Variants in NXPH2 observed in about 807,000 individuals in gnomAD.
NXPH2 encodes the protein neurexophilin 2, also known as neurexophilin-2.
A neutral mutation model predicts 19.8 loss-of-function variants in NXPH2; 5 were observed. The ratio of observed to expected loss-of-function variants is 0.25; its 90% CI spans 0.13 to 0.53. The LOEUF is 0.53. NXPH2 is among the 20% of genes least tolerant of loss of function. The pLI is 0.96. For synonymous variants in NXPH2, 154 were observed against 127.4 expected (o/e 1.21, Z -1.41); for missense variants, 289 against 322.8 (o/e 0.90, Z 0.80).
intron 1 of NXPH2, among the ~76,000 whole-genome samples, chr2:138,764,868 A>C (rs996434159): frequency 3.3e-5 from 5 of 152,232 alleles, no homozygotes; most frequent in Admixed American, 3.3e-4. Flanking sequence ...TTTCTAAGGA[A>C]AAGCTTAGCA....
rs79065056 is a variant in NXPH2 at position 138,740,740 on chromosome 2, A to G, written c.51+39451T>C. On this transcript the variant is annotated intron_variant, in intron 1 of 1. Coordinates refer to ENST00000272641, the MANE Select transcript of NXPH2 (RefSeq NM_007226.3). The stretch of plus-strand genomic sequence containing the variant: ...AAGATTTTAATTCTTATTGCGTTGT[A>G]AAGTTTAAAGTCTCCTGCTTGCTTT... Among the ~76,000 whole-genome samples the G allele has an allele frequency of 9.7e-3, 1,478 of 152,118 alleles. 21 individuals carry two copies. Among genetic ancestry groups the G allele is most frequent in the African/African-American group, 0.033 (1,381 of 41,482 alleles).
At chr2:138,750,930 T>G (rs1289091794) in intron 1 of NXPH2, among the ~76,000 whole-genome samples, 1 of 152,056 alleles carries the variant, frequency 6.6e-6, no homozygotes, top group African/African-American at 2.4e-5. Context: ...GCTTCTTCAC[T>G]TCACTCTGGG....
At chr2:138,719,584 T>C (rs1388469139) in intron 1 of NXPH2, among the ~76,000 whole-genome samples, 2 of 152,214 alleles carry the variant, frequency 1.3e-5, no homozygotes, top group Non-Finnish European at 2.9e-5. Context: ...AAACTTTAAA[T>C]GGGCAGGGAG....
intron 1 of NXPH2, among the ~76,000 whole-genome samples, chr2:138,691,972 T>C (rs977836677): frequency 1.3e-5 from 2 of 152,182 alleles, no homozygotes; most frequent in Admixed American, 1.3e-4. Context: ...ATTTTATGGT[T>C]AATAACATAA....
chr2:138,728,242 G>C (rs888499491), intron 1 of NXPH2, among the ~76,000 whole-genome samples: 1 of 152,154 alleles, frequency 6.6e-6, no homozygotes, highest in African/African-American at 2.4e-5. Flanking sequence ...AAGACACAGG[G>C]AGAAGATGGC....
chr2:138,680,230 A>G (rs1680552536), intron 1 of NXPH2, among the ~76,000 whole-genome samples: 1 of 152,190 alleles, frequency 6.6e-6, no homozygotes, highest in Non-Finnish European at 1.5e-5. Context: ...GGTTTTCTTA[A>G]TAGTAAAATG....
At chr2:138,694,998 G>T (rs1387567631) in intron 1 of NXPH2, among the ~76,000 whole-genome samples, 1 of 152,106 alleles carries the variant, frequency 6.6e-6, no homozygotes, top group Non-Finnish European at 1.5e-5. Context: ...GTAGGCAATT[G>T]TAACACAATG....
intron 1 of NXPH2, among the ~76,000 whole-genome samples, chr2:138,724,320 A>G (rs1167808598): frequency 6.6e-6 from 1 of 152,246 alleles, no homozygotes; most frequent in Admixed American, 6.5e-5. Flanking sequence ...GGAATGTTGC[A>G]TCCATTTAGC....
intron 1 of NXPH2, among the ~76,000 whole-genome samples, chr2:138,702,738 T>C (rs1461756193): frequency 6.6e-6 from 1 of 152,094 alleles, no homozygotes; most frequent in Non-Finnish European, 1.5e-5. Flanking sequence ...TCCGTCTACA[T>C]TGGATGTGAG....
intron 1 of NXPH2, among the ~76,000 whole-genome samples, chr2:138,713,146 G>A (rs1159638321): frequency 1.3e-5 from 2 of 152,178 alleles, no homozygotes; most frequent in Non-Finnish European, 2.9e-5. Context: ...TGAATTGAAA[G>A]GCCATTCAGG....
chr2:138,717,251 G>A (rs1479716001), intron 1 of NXPH2, among the ~76,000 whole-genome samples: 1 of 152,094 alleles, frequency 6.6e-6, no homozygotes, highest in Admixed American at 6.6e-5. Flanking sequence ...TGACCCTGTA[G>A]CAACATTCCT....
intron 1 of NXPH2, among the ~76,000 whole-genome samples, chr2:138,771,074 A>T (rs1014768514): frequency 2.6e-5 from 4 of 152,160 alleles, no homozygotes; most frequent in African/African-American, 9.6e-5. Flanking sequence ...GAAAACATTT[A>T]TAATTATCAA....
At chr2:138,699,699 T>C (rs562347703) in intron 1 of NXPH2, among the ~76,000 whole-genome samples, 22 of 152,254 alleles carry the variant, frequency 1.4e-4, no homozygotes, top group African/African-American at 5.3e-4. Flanking sequence ...AGGGACACAT[T>C]TTCTGCAAGG....
At chr2:138,734,250 A>G (rs1412925335) in intron 1 of NXPH2, among the ~76,000 whole-genome samples, 1 of 152,228 alleles carries the variant, frequency 6.6e-6, no homozygotes, top group Non-Finnish European at 1.5e-5. Flanking sequence ...GTCACAAAAA[A>G]GAAGAATGAG....
intron 1 of NXPH2, among the ~76,000 whole-genome samples, chr2:138,685,554 G>T (rs947532900): frequency 6.6e-6 from 1 of 152,096 alleles, no homozygotes; most frequent in African/African-American, 2.4e-5. Context: ...CCTACTGATC[G>T]TCATAGCTTA....
intron 1 of NXPH2, among the ~76,000 whole-genome samples, chr2:138,760,194 G>A (rs1358993961): frequency 2.6e-5 from 4 of 152,136 alleles, no homozygotes; most frequent in African/African-American, 7.2e-5. Flanking sequence ...TCAGACAAAT[G>A]TCCATATATA....
intron 1 of NXPH2, among the ~76,000 whole-genome samples, chr2:138,709,367 G>C (rs1053367870): frequency 1.3e-5 from 2 of 152,086 alleles, no homozygotes; most frequent in African/African-American, 4.8e-5. Flanking sequence ...ATTATTAACA[G>C]ACTTTATTTT....
chr2:138,696,272 TAGATATAACTC>T (rs1680827811), intron 1 of NXPH2, among the ~76,000 whole-genome samples: 1 of 152,046 alleles, frequency 6.6e-6, no homozygotes, highest in Non-Finnish European at 1.5e-5. Context: ...TATACAGAAA[TAGATATAACTC>T]AATGGAATAG....
chr2:138,712,123 A>G (rs1409536763), intron 1 of NXPH2, among the ~76,000 whole-genome samples: 1 of 152,218 alleles, frequency 6.6e-6, no homozygotes, highest in African/African-American at 2.4e-5. Context: ...ATAAATACAC[A>G]TCACATCAGC....
Sources: allele counts gnomAD v4.1 joint callset (sites outside exome capture counted in the v4.1 genomes callset), GRCh38; gene constraint gnomAD v4.1.1; transcripts MANE v1.5; gene names NCBI Gene and HGNC (gene_info 2026-07-23, HGNC 2026-07-21).